Variants in EYS observed in about 807,000 individuals in gnomAD.
The protein encoded by EYS is protein eyes shut homolog.
EYS carries 250 observed loss-of-function variants against 282.1 expected under a neutral mutation model. The ratio of observed to expected loss-of-function variants is 0.89; its 90% CI spans 0.80 to 0.98. EYS has a LOEUF of 0.98. Ranked by LOEUF, EYS falls within the 50% of genes least tolerant of loss-of-function variation. EYS has a pLI of 0.00. For synonymous variants in EYS, 1,355 were observed against 1,282.9 expected, an observed-to-expected ratio of 1.06 and a Z score of -1.20; for missense variants, 4,016 against 3,709.0, an observed-to-expected ratio of 1.08 and a Z score of -2.15.
chr6:64,056,479 A>G (rs947237508), intron 33 of EYS, among the ~76,000 whole-genome samples: 1 of 152,182 alleles, frequency 6.6e-6, no homozygotes, highest in Non-Finnish European at 1.5e-5. Flanking sequence ...TCCTATTCTA[A>G]GAATTCTATA....
intron 30 of EYS, among the ~76,000 whole-genome samples, chr6:64,265,235 G>C (rs1046636831): frequency 6.6e-6 from 1 of 152,088 alleles, no homozygotes; most frequent in Non-Finnish European, 1.5e-5. Context: ...GCATTTTGTA[G>C]AAGAATTATT....
intron 12 of EYS, among the ~76,000 whole-genome samples, chr6:65,159,651 C>T (rs1764806435): frequency 6.6e-6 from 1 of 150,792 alleles, no homozygotes; most frequent in Non-Finnish European, 1.5e-5. Context: ...TCCGTAGGTT[C>T]TTAATTCTGA....
intron 31 of EYS, among the ~76,000 whole-genome samples, chr6:64,115,476 G>A (rs1773348672): frequency 6.6e-6 from 1 of 152,136 alleles, no homozygotes; most frequent in Non-Finnish European, 1.5e-5. Flanking sequence ...AAAGAGATAA[G>A]GAGGACTCCA....
Position 63,952,248 on chromosome 6 carries a change from A to G in EYS, c.7055+32135T>C, listed in dbSNP as rs138916949. ...CAGGATTCCTCCTAAGCCATGTCCTATCTGTGTGGGATCTCACTGGAAATC... is the reference window on the plus strand; with the variant it reads ...CAGGATTCCTCCTAAGCCATGTCCTGTCTGTGTGGGATCTCACTGGAAATC... On this transcript the variant is annotated intron_variant, in intron 35 of 42. Transcript: ENST00000503581. 7.4e-3 allele frequency among the ~76,000 whole-genome samples: 1,121 copies of G among 152,322 alleles called. 16 individuals carry two copies. Among genetic ancestry groups the G allele is most frequent in the African/African-American group, 0.024 (997 of 41,578 alleles).
At chr6:64,167,564 A>C (rs1224727845) in intron 31 of EYS, among the ~76,000 whole-genome samples, 1 of 152,178 alleles carries the variant, frequency 6.6e-6, no homozygotes, top group Non-Finnish European at 1.5e-5. Flanking sequence ...GCAGGTTACA[A>C]GAAAGGATTT....
chr6:64,764,479 G>A (rs1289625690), intron 22 of EYS, among the ~76,000 whole-genome samples: 1 of 152,196 alleles, frequency 6.6e-6, no homozygotes, highest in Non-Finnish European at 1.5e-5. Flanking sequence ...CAGGGCAATG[G>A]GGCCCTGGGC....
At position 64,094,883 on chromosome 6, in the gene EYS, T is replaced by G. The variant is rs563150917; in HGVS notation, c.6425-12881A>C. Reference sequence around the variant, plus strand: ...TTAGATCTTTCCTTCTTTCCTTTGTTCGCATTTAGTGCTATAAATTTCCCT... The same window carrying G: ...TTAGATCTTTCCTTCTTTCCTTTGTGCGCATTTAGTGCTATAAATTTCCCT... On this transcript the variant is annotated intron_variant, in intron 31 of 42. Transcript: ENST00000503581. 9.8e-5 allele frequency among the ~76,000 whole-genome samples: 15 copies of G among 152,304 alleles called. No individual in the cohort carries two copies. The South Asian group carries it at 3.1e-3, about 32-fold the overall frequency.
At chr6:64,746,835 A>G (rs1772572596) in intron 22 of EYS, among the ~76,000 whole-genome samples, 1 of 152,264 alleles carries the variant, frequency 6.6e-6, no homozygotes, top group Admixed American at 6.5e-5. Flanking sequence ...CCTTTGGCAT[A>G]GTCATAAATA....
chr6:65,120,694 C>T (rs1049342686), intron 12 of EYS, among the ~76,000 whole-genome samples: 4 of 152,102 alleles, frequency 2.6e-5, no homozygotes, highest in Non-Finnish European at 4.4e-5. Flanking sequence ...CAATATCATC[C>T]TCTCTTTCTG....
chr6:64,830,589 G>A (rs1369457850), intron 19 of EYS, among the ~76,000 whole-genome samples: 1 of 151,908 alleles, frequency 6.6e-6, no homozygotes, highest in African/African-American at 2.4e-5. Context: ...ATTTGCACAG[G>A]AGAGGAGGAA....
chr6:63,944,259 C>G (rs537683464), intron 35 of EYS, among the ~76,000 whole-genome samples: 1 of 152,138 alleles, frequency 6.6e-6, no homozygotes, highest in African/African-American at 2.4e-5. Flanking sequence ...GCATCTAGCT[C>G]TTAGCCACAT....
intron 12 of EYS, among the ~76,000 whole-genome samples, chr6:65,289,369 A>T (rs201381617): frequency 6.6e-6 from 1 of 151,002 alleles, no homozygotes; most frequent in Non-Finnish European, 1.5e-5. Flanking sequence ...TGTAAATGTT[A>T]TATAGTCAAA....
chr6:63,755,932 T>C (rs1308167463), intron 41 of EYS, among the ~76,000 whole-genome samples: 3 of 152,170 alleles, frequency 2.0e-5, no homozygotes, highest in African/African-American at 7.2e-5. Flanking sequence ...TGGCTGTTTG[T>C]CTATTATTGG....
chr6:65,459,199 C>T (rs1302037394), intron 5 of EYS, among the ~76,000 whole-genome samples: 4 of 151,962 alleles, frequency 2.6e-5, no homozygotes, highest in Non-Finnish European at 5.9e-5. Context: ...GTTTGAAAGG[C>T]CAGCTGTAAC....
At chr6:63,943,350 A>G (rs1045779046) in intron 35 of EYS, among the ~76,000 whole-genome samples, 17 of 152,212 alleles carry the variant, frequency 1.1e-4, no homozygotes, top group African/African-American at 4.1e-4. Flanking sequence ...ATTTAATCAC[A>G]GAGTTGGTTG....
chr6:64,599,828 G>C (rs1582940510), intron 24 of EYS, among the ~76,000 whole-genome samples: 1 of 152,090 alleles, frequency 6.6e-6, no homozygotes, highest in African/African-American at 2.4e-5. Context: ...GTCAAGATTT[G>C]TTATCAATAT....
At chr6:64,765,376 T>C (rs1773290768) in intron 22 of EYS, among the ~76,000 whole-genome samples, 1 of 152,174 alleles carries the variant, frequency 6.6e-6, no homozygotes, top group Admixed American at 6.5e-5. Flanking sequence ...CTCTAGGAAG[T>C]TACAAGCTTA....
chr6:64,540,158 G>C (rs1764656533), intron 26 of EYS, among the ~76,000 whole-genome samples: 1 of 152,180 alleles, frequency 6.6e-6, no homozygotes, highest in South Asian at 2.1e-4. Flanking sequence ...GCCTGCAGCT[G>C]AGGAAGCAAC....
chr6:65,401,773 T>C (rs1766507014), intron 7 of EYS, among the ~76,000 whole-genome samples: 1 of 151,936 alleles, frequency 6.6e-6, no homozygotes, highest in Non-Finnish European at 1.5e-5. Flanking sequence ...ACATGTTAAT[T>C]TTCTGCCTTT....
Sources: allele counts gnomAD v4.1 joint callset (sites outside exome capture counted in the v4.1 genomes callset), GRCh38; gene constraint gnomAD v4.1.1; transcripts MANE v1.5; gene names NCBI Gene and HGNC (gene_info 2026-07-23, HGNC 2026-07-21).